Variants in CPAP observed in about 807,000 individuals in gnomAD.
CPAP encodes centrosomal P4.1-associated protein.
At chr13:24,896,537 G>A in the CPAP span, among the ~76,000 whole-genome samples, 2 of 152,250 alleles carry the variant, frequency 1.3e-5, no homozygotes, top group African/African-American at 4.8e-5. Flanking sequence ...CTAGCAGCCT[G>A]GACTGCAGAG....
At chr13:24,883,213 G>T in the CPAP span, 1 of 1,614,006 alleles carries the variant, frequency 6.2e-7, no homozygotes, top group Admixed American at 1.7e-5. Flanking sequence ...TACCCTCCTT[G>T]TCCTTAACTC....
At chr13:24,907,128 T>G in the CPAP span, 45 of 1,613,862 alleles carry the variant, frequency 2.8e-5, no homozygotes, top group Admixed American at 3.3e-5. Flanking sequence ...CTCTTCCAAC[T>G]GAATTTGTTC....
chr13:24,932,887 T>C, the CPAP span: 2 of 670,332 alleles, frequency 3.0e-6, no homozygotes, highest in Non-Finnish European at 5.3e-6. Context: ...ATTTACAACA[T>C]GATTACAATG....
At chr13:24,897,401 G>A in the CPAP span, among the ~76,000 whole-genome samples, 1 of 152,178 alleles carries the variant, frequency 6.6e-6, no homozygotes, top group African/African-American at 2.4e-5. Context: ...GGATTGATTT[G>A]TTTTGTTCAC....
chr13:24,931,644 T>TCCAGC, the CPAP span, among the ~76,000 whole-genome samples: 1 of 152,194 alleles, frequency 6.6e-6, no homozygotes, highest in Non-Finnish European at 1.5e-5. Context: ...GATCTGTATC[T>TCCAGC]CCAGCCCTCG....
the CPAP span, among the ~76,000 whole-genome samples, chr13:24,893,994 G>C: frequency 1.3e-5 from 2 of 152,084 alleles, no homozygotes; most frequent in East Asian, 1.9e-4. Flanking sequence ...GGCTGTGTGG[G>C]GAGGCAGGAT....
the CPAP span, among the ~76,000 whole-genome samples, chr13:24,925,694 G>C: frequency 7.2e-5 from 11 of 152,348 alleles, no homozygotes; most frequent in East Asian, 2.1e-3. Context: ...AAACTATAGG[G>C]AAAGGAGCAG....
chr13:24,895,807 A>G, the CPAP span, among the ~76,000 whole-genome samples: 5 of 152,230 alleles, frequency 3.3e-5, no homozygotes, highest in East Asian at 5.8e-4. Flanking sequence ...GTGAAAAGCT[A>G]TGACTCAGTA....
At chr13:24,906,085 ACACT>A in the CPAP span, 5 of 1,613,128 alleles carry the variant, frequency 3.1e-6, no homozygotes, top group Non-Finnish European at 4.2e-6. Context: ...GTGCGACTTC[ACACT>A]CACTCTCCTT....
At chr13:24,904,424 CCTA>C in the CPAP span, among the ~76,000 whole-genome samples, 1 of 152,126 alleles carries the variant, frequency 6.6e-6, no homozygotes, top group Non-Finnish European at 1.5e-5. Flanking sequence ...AAAGTTTACC[CCTA>C]CTATTAATCA....
the CPAP span, chr13:24,912,047 T>C: frequency 6.2e-7 from 1 of 1,613,802 alleles, no homozygotes; most frequent in Non-Finnish European, 8.5e-7. Context: ...TTGTTCCTGC[T>C]TCTTCTGTTG....
chr13:24,886,304 C>G, the CPAP span: 1 of 1,288,952 alleles, frequency 7.8e-7, no homozygotes, highest in East Asian at 5.5e-5. Context: ...CTGGATGTTA[C>G]GGGAGAATGG....
chr13:24,884,460 C>T, the CPAP span: 6 of 1,613,900 alleles, frequency 3.7e-6, no homozygotes, highest in Non-Finnish European at 5.1e-6. Context: ...TAAACCTTTT[C>T]CACCTAAAAA....
At chr13:24,891,686 C>T in the CPAP span, among the ~76,000 whole-genome samples, 4 of 152,178 alleles carry the variant, frequency 2.6e-5, no homozygotes, top group Non-Finnish European at 4.4e-5. Flanking sequence ...CACCTGTTCC[C>T]GGTCTACAGC....
the CPAP span, among the ~76,000 whole-genome samples, chr13:24,920,784 C>CT: frequency 0.12 from 17,490 of 140,070 alleles, 1,318 homozygotes; most frequent in East Asian, 0.32. Flanking sequence ...CCATACCTGG[C>CT]TTTTTTTTTT....
At chr13:24,907,196 A>G in the CPAP span, 3 of 1,593,552 alleles carry the variant, frequency 1.9e-6, no homozygotes, top group Non-Finnish European at 2.6e-6. Context: ...TAATGGGCCT[A>G]ATTAGAAACA....
the CPAP span, among the ~76,000 whole-genome samples, chr13:24,919,702 G>A: frequency 6.6e-6 from 1 of 152,102 alleles, no homozygotes; most frequent in African/African-American, 2.4e-5. Context: ...TTACAGGCGT[G>A]AGCCCCTGCG....
At chr13:24,890,881 C>G in the CPAP span, among the ~76,000 whole-genome samples, 1 of 152,236 alleles carries the variant, frequency 6.6e-6, no homozygotes, top group Middle Eastern at 3.4e-3. Flanking sequence ...GGTGCTTCTG[C>G]AATTCTTCCA....
chr13:24,912,900 T>C, the CPAP span: 1 of 1,614,204 alleles, frequency 6.2e-7, no homozygotes, highest in South Asian at 1.1e-5. Context: ...CTCGCTTCTC[T>C]TTGTCTGCTT....
Sources: gnomAD v4.1 joint callset for allele counts (sites outside exome capture counted in the v4.1 genomes callset) on GRCh38, gnomAD v4.1.1 for gene constraint, MANE v1.5 for transcripts, NCBI Gene and HGNC (gene_info 2026-07-23, HGNC 2026-07-21) for gene names.